Variants in TAAR5 observed in about 807,000 individuals in gnomAD.
TAAR5 encodes trace amine associated receptor 5.
Under a neutral mutation model 21.1 loss-of-function variants are expected in TAAR5, and 27 were observed. The observed-to-expected ratio is 1.28, with a 90% CI of 0.94 to 1.76. The LOEUF is 1.76. Ranked by LOEUF, TAAR5 falls within the 40% of genes most tolerant of loss-of-function variation. The pLI, the probability that TAAR5 is intolerant of heterozygous loss-of-function variation, is 0.00. For missense variants in TAAR5, 495 were observed against 405.6 expected, an observed-to-expected ratio of 1.22 and a Z score of -1.89; for synonymous variants, 203 against 167.5, an observed-to-expected ratio of 1.21 and a Z score of -1.64.
upstream of TAAR5, among the ~76,000 whole-genome samples, chr6:132,592,693 G>C (rs1776923764): frequency 6.6e-6 from 1 of 152,256 alleles, no homozygotes; most frequent in African/African-American, 2.4e-5. Flanking sequence ...TCCTGCTTCA[G>C]CCATGTAAGA....
In TAAR5 at chr6:132,589,726, C is replaced by A; in HGVS notation, c.-40G>T. 1.7e-6 allele frequency: 1 copy of A among 576,004 alleles called. No individual in the cohort carries two copies. Among genetic ancestry groups the A allele is most frequent in the Non-Finnish European group, 2.5e-6 (1 of 405,610 alleles). The allele number at this position is 576,004 out of a possible 1,614,324, so 35.7% of individuals were successfully genotyped here. ...CTTCCTCTGTCTGAGAACTGGCCAC[C>A]TTCTCCACTGGAGGGCAAAAAAAAA... On this transcript the variant is annotated 5_prime_UTR_variant, in exon 1 of 1. In the 5' UTR this introduces an upstream ATG that the reference lacks. Transcript: ENST00000258034.
chr6:132,612,847 T>A, the TAAR5 span, among the ~76,000 whole-genome samples: 8 of 152,178 alleles, frequency 5.3e-5, no homozygotes, highest in Admixed American at 5.2e-4. Context: ...TCATACAGTA[T>A]TTAAGTCCAT....
chr6:132,602,779 CAAAAAA>C, the TAAR5 span, among the ~76,000 whole-genome samples: 2 of 95,948 alleles, frequency 2.1e-5, no homozygotes, highest in African/African-American at 7.8e-5. Context: ...CTTTAGAAGT[CAAAAAA>C]AAAAAAAAAA....
At chr6:132,612,687 G>C in the TAAR5 span, among the ~76,000 whole-genome samples, 2 of 152,140 alleles carry the variant, frequency 1.3e-5, no homozygotes, top group East Asian at 3.9e-4. Flanking sequence ...TGTGAAGATG[G>C]GGTTGTCTTG....
the TAAR5 span, among the ~76,000 whole-genome samples, chr6:132,596,475 C>T: frequency 6.6e-6 from 1 of 152,086 alleles, no homozygotes; most frequent in African/African-American, 2.4e-5. Context: ...ACAAGCACAT[C>T]CTCACCAGAT....
At chr6:132,595,711 C>T in the TAAR5 span, among the ~76,000 whole-genome samples, 1 of 152,114 alleles carries the variant, frequency 6.6e-6, no homozygotes, top group Admixed American at 6.6e-5. Flanking sequence ...TGCAGGTGAA[C>T]GCATGTTCCA....
upstream of TAAR5, among the ~76,000 whole-genome samples, chr6:132,592,168 T>C (rs1776915456): frequency 6.6e-6 from 1 of 152,246 alleles, no homozygotes; most frequent in Admixed American, 6.5e-5. Context: ...GCTAAAGGTC[T>C]TGAATAAAAG....
At chr6:132,591,296 A>T (rs1776903586), upstream of TAAR5, among the ~76,000 whole-genome samples, 1 of 152,174 alleles carries the variant, frequency 6.6e-6, no homozygotes, top group African/African-American at 2.4e-5. Flanking sequence ...GTTACAGAGA[A>T]ACCATTTCAC....
chr6:132,589,447 G>T lies in TAAR5; in HGVS notation c.240C>A (p.Asp80Glu). The change falls in exon 1 of 1, where the codon GAC becomes GAA. Residue 80 changes from aspartate to glutamate, a missense_variant. By Grantham distance (45) the Asp-to-Glu change is conservative (BLOSUM62 2). Transcript: ENST00000258034. ...NFLLLSLALADMFLGLLVLPL... is the reference protein window; with the variant it reads ...NFLLLSLALAEMFLGLLVLPL... ...GCAGCACCAGCAGACCCAGAAACAT[G>T]TCAGCCAGGGCCAGGGAGAGCAGCA... The T allele has an allele frequency of 6.2e-7, 1 of 1,613,954 alleles. No individual in the cohort carries two copies. Among genetic ancestry groups the T allele is most frequent in the Admixed American group, 1.7e-5 (1 of 60,008 alleles).
the TAAR5 span, among the ~76,000 whole-genome samples, chr6:132,614,178 C>T: frequency 6.6e-6 from 1 of 152,150 alleles, no homozygotes; most frequent in African/African-American, 2.4e-5. Flanking sequence ...ATTCTAACAG[C>T]CCTAGGGCTC....
chr6:132,602,653 GAGGACCCCTGGTCTAA>G, the TAAR5 span, among the ~76,000 whole-genome samples: 4 of 152,014 alleles, frequency 2.6e-5, no homozygotes, highest in Admixed American at 2.0e-4. Flanking sequence ...TCTGGAGGTT[GAGGACCCCTGGTCTAA>G]AGGACCCTTA....
the TAAR5 span, among the ~76,000 whole-genome samples, chr6:132,604,459 A>C: frequency 2.0e-5 from 3 of 151,994 alleles, no homozygotes; most frequent in African/African-American, 7.2e-5. Context: ...TCTTTTCTAA[A>C]AGCAAAAAGA....
At chr6:132,607,224 TAAAAG>T in the TAAR5 span, among the ~76,000 whole-genome samples, 10 of 151,826 alleles carry the variant, frequency 6.6e-5, no homozygotes, top group Non-Finnish European at 1.5e-5. Flanking sequence ...ACTTTAAAAT[TAAAAG>T]AAAAGGAAGA....
chr6:132,603,771 G>A, the TAAR5 span, among the ~76,000 whole-genome samples: 1 of 152,080 alleles, frequency 6.6e-6, no homozygotes, highest in Non-Finnish European at 1.5e-5. Context: ...TTGTAAGTAA[G>A]TCATTAAGTT....
the TAAR5 span, chr6:132,608,536 T>C: frequency 1.8e-5 from 8 of 455,848 alleles, no homozygotes; most frequent in South Asian, 1.2e-4. Context: ...GTCCTTTTTC[T>C]TGGATAGGTG....
chr6:132,606,859 T>A, the TAAR5 span, among the ~76,000 whole-genome samples: 1 of 152,128 alleles, frequency 6.6e-6, no homozygotes, highest in South Asian at 2.1e-4. Context: ...AATTTCCGAT[T>A]TCAAAGTTTC....
At chr6:132,615,352 G>T in the TAAR5 span, among the ~76,000 whole-genome samples, 1 of 152,028 alleles carries the variant, frequency 6.6e-6, no homozygotes, top group East Asian at 1.9e-4. Context: ...TTTACACTTT[G>T]ATTCCTGAAT....
the TAAR5 span, among the ~76,000 whole-genome samples, chr6:132,604,474 A>G: frequency 0.37 from 55,600 of 151,766 alleles, 10,528 homozygotes; most frequent in African/African-American, 0.41. Context: ...AAAAGAACAC[A>G]GAAAACTCAA....
chr6:132,592,420 T>C (rs1441757647), upstream of TAAR5, among the ~76,000 whole-genome samples: 2 of 152,258 alleles, frequency 1.3e-5, no homozygotes, highest in East Asian at 1.9e-4. Context: ...CTGTTGTCTA[T>C]GGACGGTCTT....
Sources: gnomAD v4.1 joint callset for allele counts (sites outside exome capture counted in the v4.1 genomes callset) on GRCh38, gnomAD v4.1.1 for gene constraint, MANE v1.5 for transcripts, NCBI Gene and HGNC (gene_info 2026-07-23, HGNC 2026-07-21) for gene names.